ERAP1: variants seen among roughly 807,000 people sequenced by gnomAD.
ERAP1 encodes endoplasmic reticulum aminopeptidase 1.
A neutral mutation model predicts 103.7 loss-of-function variants in ERAP1; 86 were observed. That is an observed-to-expected ratio of 0.83 (90% CI 0.70 to 0.99). The LOEUF (loss-of-function observed/expected upper bound fraction) is 0.99, where lower values mean the gene tolerates loss of function less well. ERAP1 is among the 50% of genes least tolerant of loss of function. The pLI is 0.00. For missense variants in ERAP1, 1,009 were observed against 1,128.4 expected (o/e 0.89, Z 1.52); for synonymous variants, 398 against 402.4 (o/e 0.99, Z 0.13).
chr5:96,816,973 T>C, the ERAP1 span, among the ~76,000 whole-genome samples: 7 of 152,076 alleles, frequency 4.6e-5, no homozygotes, highest in Non-Finnish European at 1.0e-4. Context: ...TGCTCGTGAG[T>C]TTTGGACTAT....
chr5:96,881,633 G>A, the ERAP1 span, among the ~76,000 whole-genome samples: 5 of 152,132 alleles, frequency 3.3e-5, no homozygotes, highest in African/African-American at 1.2e-4. Context: ...GATTGCTATA[G>A]TGCTGTTCAG....
chr5:96,888,876 G>A, the ERAP1 span, among the ~76,000 whole-genome samples: 1 of 152,152 alleles, frequency 6.6e-6, no homozygotes, highest in Non-Finnish European at 1.5e-5. Flanking sequence ...TCATAGAGAC[G>A]AACTCAAGTG....
chr5:96,846,075 T>TA, the ERAP1 span, among the ~76,000 whole-genome samples: 7,273 of 152,242 alleles, frequency 0.048, 215 homozygotes, highest in South Asian at 0.11. Flanking sequence ...AATTCAGTCG[T>TA]AAAAAACAGA....
chr5:96,779,383 C>T (rs1264150119), intron 18 of ERAP1: 1 of 152,206 alleles, frequency 6.6e-6, no homozygotes, highest in Non-Finnish European at 1.5e-5. Context: ...AGTCATCAGA[C>T]AGAGTATCTC....
the ERAP1 span, among the ~76,000 whole-genome samples, chr5:96,882,900 C>A: frequency 2.6e-5 from 4 of 152,192 alleles, no homozygotes; most frequent in Non-Finnish European, 4.4e-5. Context: ...ATTCCCCCCT[C>A]CTTTTCCAGT....
chr5:96,900,170 C>G, the ERAP1 span: 5 of 1,613,546 alleles, frequency 3.1e-6, no homozygotes, highest in South Asian at 5.5e-5. Flanking sequence ...CATTCGGATC[C>G]CAAGATGACA....
At chr5:96,831,586 C>G in the ERAP1 span, among the ~76,000 whole-genome samples, 3 of 152,198 alleles carry the variant, frequency 2.0e-5, no homozygotes, top group Non-Finnish European at 2.9e-5. Flanking sequence ...ACTTTCCTCC[C>G]AGGTTTATCA....
the ERAP1 span, among the ~76,000 whole-genome samples, chr5:96,855,631 T>C: frequency 1.3e-5 from 2 of 152,202 alleles, no homozygotes; most frequent in Non-Finnish European, 2.9e-5. Context: ...AAAAGGGCGA[T>C]GGCATTTTGA....
chr5:96,827,114 T>C, the ERAP1 span, among the ~76,000 whole-genome samples: 2 of 152,164 alleles, frequency 1.3e-5, no homozygotes, highest in African/African-American at 4.8e-5. Context: ...AGACTGAGAC[T>C]CCCCTCTAAT....
chr5:96,887,163 AT>A, the ERAP1 span, among the ~76,000 whole-genome samples: 1 of 150,424 alleles, frequency 6.6e-6, no homozygotes, highest in Non-Finnish European at 1.5e-5. Flanking sequence ...TATATTGACT[AT>A]TTTTAACCCA....
At chr5:96,818,215 A>G in the ERAP1 span, among the ~76,000 whole-genome samples, 1 of 152,190 alleles carries the variant, frequency 6.6e-6, no homozygotes, top group Non-Finnish European at 1.5e-5. Context: ...CATTTGGTAT[A>G]TTTGGAATGT....
chr5:96,853,474 C>T, the ERAP1 span, among the ~76,000 whole-genome samples: 1 of 152,052 alleles, frequency 6.6e-6, no homozygotes, highest in Non-Finnish European at 1.5e-5. Flanking sequence ...ATATCAATGC[C>T]TTATATACTT....
chr5:96,787,969 G>T (rs1229219335), intron 11 of ERAP1, among the ~76,000 whole-genome samples: 2 of 152,082 alleles, frequency 1.3e-5, no homozygotes, highest in African/African-American at 4.8e-5. Flanking sequence ...ATAGGAATTT[G>T]TTGTGTTATT....
the ERAP1 span, among the ~76,000 whole-genome samples, chr5:96,895,733 T>C: frequency 6.6e-6 from 1 of 152,320 alleles, no homozygotes; most frequent in Non-Finnish European, 1.5e-5. Flanking sequence ...ATTGGGGGTG[T>C]ACTTTTCTAG....
rs1328802193 is a variant in ERAP1, at chr5:96,775,110, T to TAA, written c.*1284_*1285dup. ...GTCCCTGTGTAGCAAGTTTTCAGAATAAGAAATAAAATCTAATTCTTAGGG... is the reference window on the plus strand; with the variant it reads ...GTCCCTGTGTAGCAAGTTTTCAGAATAAAAGAAATAAAATCTAATTCTTAGGG... On this transcript the variant is annotated 3_prime_UTR_variant, in exon 19 of 19. Transcript: ENST00000443439. 1 of 985,542 alleles carries TAA rather than the reference T, an allele frequency of 1.0e-6. No homozygotes were observed. Among genetic ancestry groups the TAA allele is most frequent in the East Asian group, 1.1e-4 (1 of 8,946 alleles). 61.0% of individuals were successfully genotyped at this position (985,542 alleles called of 1,614,324 possible).
At chr5:96,816,487 T>C in the ERAP1 span, among the ~76,000 whole-genome samples, 518 of 152,238 alleles carry the variant, frequency 3.4e-3, 4 homozygotes, top group African/African-American at 0.012. Flanking sequence ...TGCCAGGATG[T>C]TGCTCAGCAG....
intron 8 of ERAP1, among the ~76,000 whole-genome samples, 196 bp downstream of exon 8, chr5:96,791,865 A>G (rs972877074): frequency 2.0e-5 from 3 of 152,206 alleles, no homozygotes; most frequent in African/African-American, 7.2e-5. Context: ...TATATGAAGA[A>G]TTTCCCATAA....
the ERAP1 span, among the ~76,000 whole-genome samples, chr5:96,832,322 T>C: frequency 6.6e-6 from 1 of 152,236 alleles, no homozygotes; most frequent in Admixed American, 6.5e-5. Context: ...AAACCTGACT[T>C]GCCAGTTGTA....
At chr5:96,807,362 G>C (rs1367003201) in intron 1 of ERAP1, among the ~76,000 whole-genome samples, 1 of 152,214 alleles carries the variant, frequency 6.6e-6, no homozygotes, top group East Asian at 1.9e-4. Context: ...AAGCCTCTGG[G>C]TTTCTCTAGC....
Sources: allele counts gnomAD v4.1 joint callset (sites outside exome capture counted in the v4.1 genomes callset), GRCh38; gene constraint gnomAD v4.1.1; transcripts MANE v1.5; gene names NCBI Gene and HGNC (gene_info 2026-07-23, HGNC 2026-07-21).